LRRC7: variants seen among roughly 807,000 people sequenced by gnomAD.
The protein encoded by LRRC7 is leucine rich repeat containing 7, also known as leucine-rich repeat-containing protein 7.
LRRC7 carries 23 observed loss-of-function variants against 175.7 expected under a neutral mutation model. That is an observed-to-expected ratio of 0.13 (90% CI 0.09 to 0.19). The LOEUF is 0.19. Among genes scored for constraint, LRRC7 ranks in the 10% least tolerant of loss-of-function variants. The pLI, the probability that LRRC7 is intolerant of heterozygous loss-of-function variation, is 1.00. For synonymous variants in LRRC7, 685 were observed against 680.9 expected (o/e 1.01, Z -0.09); for missense variants, 1,354 against 1,904.7 (o/e 0.71, Z 5.38).
At chr1:69,884,923 G>T (rs922831979) in intron 7 of LRRC7, among the ~76,000 whole-genome samples, 1 of 148,460 alleles carries the variant, frequency 6.7e-6, no homozygotes, top group Non-Finnish European at 1.5e-5. Context: ...TACATTTATT[G>T]ATTTGTGTAT....
chr1:70,089,093 C>G (rs1387579863), intron 24 of LRRC7, among the ~76,000 whole-genome samples: 1 of 152,140 alleles, frequency 6.6e-6, no homozygotes, highest in Non-Finnish European at 1.5e-5. Flanking sequence ...TCTCCCCTTT[C>G]TTCTAAGGTT....
At chr1:69,731,174 C>T (rs1474129173) in intron 2 of LRRC7, among the ~76,000 whole-genome samples, 6 of 151,876 alleles carry the variant, frequency 4.0e-5, no homozygotes, top group Non-Finnish European at 8.8e-5. Flanking sequence ...TGGTGGCGGG[C>T]GTCTGTAGTC....
chr1:69,980,785 G>A (rs957544818), intron 9 of LRRC7, among the ~76,000 whole-genome samples: 1 of 151,940 alleles, frequency 6.6e-6, no homozygotes, highest in Non-Finnish European at 1.5e-5. Context: ...ATAATACCAA[G>A]TTTTATTTTT....
rs1479787904 is a variant in LRRC7, at chr1:70,021,106, G to A, written c.1522G>A (p.Asp508Asn). The change falls in exon 16 of 27, where the codon GAC (aspartate) becomes AAC (asparagine). Residue 508 changes from aspartate (D) to asparagine (N), a missense_variant. Coordinates refer to ENST00000651989, the MANE Select transcript of LRRC7 (RefSeq NM_001370785.2). ...AFEFEDKKEDDENAGKVKDLS... is the reference protein window; with the variant it reads ...AFEFEDKKEDNENAGKVKDLS... Reference sequence around the variant, plus strand: ...TGAATTTGAAGACAAAAAAGAAGATGACGAAAATGCTGGGAAAGTTAAGGT... The same window carrying A: ...TGAATTTGAAGACAAAAAAGAAGATAACGAAAATGCTGGGAAAGTTAAGGT... 3.1e-6 allele frequency: 5 copies of A among 1,612,018 alleles called. No homozygotes were observed. The highest frequency in any genetic ancestry group is 4.2e-6 in the Non-Finnish European group (5 of 1,178,706).
At chr1:69,589,655 T>C (rs1460791171) in intron 1 of LRRC7, among the ~76,000 whole-genome samples, 1 of 152,170 alleles carries the variant, frequency 6.6e-6, no homozygotes. Flanking sequence ...TGGATGTTTC[T>C]GCCATACCCA....
intron 9 of LRRC7, among the ~76,000 whole-genome samples, chr1:69,982,904 G>A (rs537328454): frequency 5.9e-5 from 9 of 152,236 alleles, no homozygotes; most frequent in African/African-American, 2.2e-4. Flanking sequence ...TTGATACAGT[G>A]TTTTCAACAT....
At chr1:69,664,040 T>C (rs1657916205) in intron 1 of LRRC7, among the ~76,000 whole-genome samples, 1 of 152,170 alleles carries the variant, frequency 6.6e-6, no homozygotes, top group African/African-American at 2.4e-5. Context: ...TTTTTATAAG[T>C]GTGAGCATGT....
At chr1:69,835,298 GA>G (rs1449395637) in intron 6 of LRRC7, among the ~76,000 whole-genome samples, 1 of 151,434 alleles carries the variant, frequency 6.6e-6, no homozygotes, top group African/African-American at 2.4e-5. Flanking sequence ...ACAATCAACT[GA>G]AAAAATAGTT....
At chr1:69,652,689 A>T (rs1291066460) in intron 1 of LRRC7, among the ~76,000 whole-genome samples, 1 of 152,042 alleles carries the variant, frequency 6.6e-6, no homozygotes, top group Non-Finnish European at 1.5e-5. Flanking sequence ...GAATAGCCAT[A>T]ACAGTCTTCA....
At chr1:70,088,510 C>A (rs1219790337) in intron 24 of LRRC7, among the ~76,000 whole-genome samples, 1 of 152,094 alleles carries the variant, frequency 6.6e-6, no homozygotes, top group Non-Finnish European at 1.5e-5. Context: ...GAACTGATTG[C>A]AACACTGCAC....
In LRRC7 at chr1:70,123,010, T is replaced by C. The variant is rs568190680; in HGVS notation, c.*1123T>C. 1 of 152,646 alleles carries C rather than the reference T, an allele frequency of 6.6e-6. No individual in the cohort carries two copies. Among genetic ancestry groups the C allele is most frequent in the African/African-American group, 2.4e-5 (1 of 41,572 alleles). 9.5% of individuals were successfully genotyped at this position (152,646 alleles called of 1,614,324 possible). A position where few individuals can be genotyped will look rare whatever the true frequency, so the allele number is the denominator to read the frequency against. ...CCTGTATCATTAATTTCAATGGCTG[T>C]TTTTCTGGGCAGAAATAGATAAAAT... On this transcript the variant is annotated 3_prime_UTR_variant, in exon 27 of 27. Coordinates refer to ENST00000651989, the MANE Select transcript of LRRC7 (RefSeq NM_001370785.2).
In LRRC7 at chr1:69,722,155, T is replaced by A. The variant is rs955735054; in HGVS notation, c.101-38036T>A. On this transcript the variant is annotated intron_variant, in intron 2 of 26. Coordinates refer to ENST00000651989, the MANE Select transcript of LRRC7 (RefSeq NM_001370785.2). Reference sequence around the variant, plus strand: ...TATGTACACATATATATATATATATTTTCTCCTTTTCCATAGAAATTGTAG... The same window carrying A: ...TATGTACACATATATATATATATATATTCTCCTTTTCCATAGAAATTGTAG... 1.3e-4 allele frequency among the ~76,000 whole-genome samples: 19 copies of A among 151,696 alleles called. 1 individual carries two copies. The highest frequency in any genetic ancestry group is 7.3e-5 in the African/African-American group (3 of 41,244).
intron 11 of LRRC7, among the ~76,000 whole-genome samples, chr1:70,002,757 ATTG>A (rs1655649534): frequency 6.6e-6 from 1 of 152,132 alleles, no homozygotes; most frequent in Non-Finnish European, 1.5e-5. Context: ...ATTGTCAGAA[ATTG>A]TTGTGGCACT....
intron 4 of LRRC7, among the ~76,000 whole-genome samples, chr1:69,799,385 T>C (rs1676195041): frequency 6.6e-6 from 1 of 152,034 alleles, no homozygotes; most frequent in Non-Finnish European, 1.5e-5. Flanking sequence ...CTGAGTCTTC[T>C]ATGTCTATTA....
At chr1:69,727,311 T>C (rs1667085236) in intron 2 of LRRC7, among the ~76,000 whole-genome samples, 1 of 152,124 alleles carries the variant, frequency 6.6e-6, no homozygotes, top group African/African-American at 2.4e-5. Context: ...CAGGAGAGAA[T>C]GAAGAAAATG....
intron 1 of LRRC7, among the ~76,000 whole-genome samples, chr1:69,651,629 A>G (rs570761791): frequency 1.8e-4 from 27 of 152,306 alleles, no homozygotes; most frequent in African/African-American, 6.3e-4. Flanking sequence ...CCAGAATCCA[A>G]TTAAAAAGTT....
intron 1 of LRRC7, among the ~76,000 whole-genome samples, chr1:69,574,290 T>C (rs902684702): frequency 6.6e-6 from 1 of 151,878 alleles, no homozygotes; most frequent in South Asian, 2.1e-4. Flanking sequence ...TAAAAAGAAA[T>C]GGTATTGTGA....
At chr1:69,955,088 G>T (rs1319552709) in intron 8 of LRRC7, among the ~76,000 whole-genome samples, 1 of 152,002 alleles carries the variant, frequency 6.6e-6, no homozygotes, top group African/African-American at 2.4e-5. Context: ...TTTGTTCTCT[G>T]TTATATGCCA....
chr1:69,717,971 AAGAG>A (rs1665795908), intron 2 of LRRC7, among the ~76,000 whole-genome samples: 2 of 90,848 alleles, frequency 2.2e-5, no homozygotes, highest in Admixed American at 2.6e-4. Context: ...AAAAGAAAGA[AAGAG>A]AAAGAAAGAG....
Sources: gnomAD v4.1 joint callset for allele counts (sites outside exome capture counted in the v4.1 genomes callset) on GRCh38, gnomAD v4.1.1 for gene constraint, MANE v1.5 for transcripts, NCBI Gene and HGNC (gene_info 2026-07-23, HGNC 2026-07-21) for gene names.